Variants in LOXL3 observed in about 807,000 individuals in gnomAD.
LOXL3 encodes the protein lysyl oxidase homolog 3.
LOXL3 carries 60 observed loss-of-function variants against 91.8 expected under a neutral mutation model. The observed-to-expected ratio is 0.65, with a 90% CI of 0.53 to 0.81. The LOEUF (loss-of-function observed/expected upper bound fraction) is 0.81, where lower values mean the gene tolerates loss of function less well. Ranked by LOEUF, LOXL3 falls within the 30% of genes least tolerant of loss-of-function variation. LOXL3 has a pLI of 0.00. For synonymous variants in LOXL3, 355 were observed against 387.6 expected (o/e 0.92, Z 0.99); for missense variants, 874 against 1,000.4 (o/e 0.87, Z 1.70).
rs1558629616 is a variant in LOXL3, at chr2:74,549,660, C to T, written c.478-77G>A. ...GTCCCGCCGCCCTTAAGGAACCCTG[C>T]TTGGTGTGCCTGCTGTAAACCCAGT... On this transcript the variant is annotated intron_variant, in intron 3 of 13. Coordinates refer to ENST00000264094, the MANE Select transcript of LOXL3 (RefSeq NM_032603.5). This position sits in a 1 kb window ranked among gnomAD's most constrained non-coding sequence, Gnocchi z 5.3. 52 of 1,496,310 alleles carry T rather than the reference C, an allele frequency of 3.5e-5. No homozygotes were observed. The South Asian group carries it at 6.5e-4, about 19-fold the overall frequency. 92.7% of individuals were successfully genotyped at this position (1,496,310 alleles called of 1,614,324 possible). A position where few individuals can be genotyped will look rare whatever the true frequency, so the allele number is the denominator to read the frequency against.
At chr2:74,537,088 G>A (rs961574575) in intron 4 of LOXL3, among the ~76,000 whole-genome samples, 160 bp from the exon 5 acceptor site, 1 of 152,208 alleles carries the variant, frequency 6.6e-6, no homozygotes, top group African/African-American at 2.4e-5. Flanking sequence ...GGAGATACAT[G>A]GGGATTGCTG....
rs574365163 is a variant in LOXL3 at position 74,535,671 on chromosome 2, TGAG to T, written c.1330_1332del (p.Leu444del). The T allele has an allele frequency of 6.7e-4, 1,078 of 1,612,898 alleles. 2 individuals carry two copies. Among genetic ancestry groups the T allele is most frequent in the Non-Finnish European group, 9.0e-4 (1,057 of 1,179,736 alleles). On this transcript the variant is annotated inframe_deletion, in exon 8 of 14. Transcript: ENST00000264094. This position sits in a 1 kb window ranked among gnomAD's most constrained non-coding sequence, Gnocchi z 4.2. ...AGGGTCCCCCAGTCATCCCCACAGA[TGAG>T]GCCCCAGCGAAGGGGCCCAGGTCCC...
intron 13 of LOXL3, 53 bp from the exon 14 acceptor site, chr2:74,533,732 A>G (rs2104386107): frequency 7.7e-6 from 12 of 1,556,238 alleles, no homozygotes; most frequent in Non-Finnish European, 1.1e-5. Context: ...GGAGGGAGAT[A>G]GATGCACTGT....
chr2:74,554,847 G>A (rs780034806), upstream of LOXL3: 1 of 1,612,700 alleles, frequency 6.2e-7, no homozygotes, highest in Non-Finnish European at 8.5e-7. The surrounding 1 kb of genome is among the most constrained non-coding windows in gnomAD (Gnocchi z 4.9). Context: ...AACCTTATCC[G>A]GGCTAGTAGT....
intron 4 of LOXL3, among the ~76,000 whole-genome samples, chr2:74,547,960 T>C (rs1676704064): frequency 6.6e-6 from 1 of 152,236 alleles, no homozygotes; most frequent in Non-Finnish European, 1.5e-5. Flanking sequence ...AGATAAGAAA[T>C]ATATAGATAG....
Position 74,533,095 on chromosome 2 carries a change from C to G in LOXL3, c.*511G>C. 1.1e-6 allele frequency: 1 copy of G among 941,096 alleles called. No individual in the cohort carries two copies. The highest frequency in any genetic ancestry group is 1.3e-5 in the South Asian group (1 of 75,088). The allele number at this position is 941,096 out of a possible 1,614,324, so 58.3% of individuals were successfully genotyped here. On this transcript the variant is annotated 3_prime_UTR_variant, in exon 14 of 14. Coordinates refer to ENST00000264094, the MANE Select transcript of LOXL3 (RefSeq NM_032603.5). ...TTAAATGAACCAGTGGGGGCAGGTC[C>G]CTCCAACCACCAGCACTGACTCCTG...
At chr2:74,543,011 T>C (rs1676408812) in intron 4 of LOXL3, among the ~76,000 whole-genome samples, 1 of 138,672 alleles carries the variant, frequency 7.2e-6, no homozygotes. Flanking sequence ...CCAGCAGACA[T>C]TTTTCAGTCT....
chr2:74,540,041 GT>G (rs1558622361), intron 4 of LOXL3, among the ~76,000 whole-genome samples: 1 of 152,192 alleles, frequency 6.6e-6, no homozygotes, highest in Non-Finnish European at 1.5e-5. Context: ...TAGAGATGGG[GT>G]TTCACTATGT....
Position 74,536,878 on chromosome 2 carries a change from C to A in LOXL3, c.743G>T (p.Cys248Phe). ...QHSFGLHGVA[C>F]VGTEAHLSLC... ...GGAGAGGTGGGCCTCCGTGCCCACG[C>A]ACGCCACCCCATGCAGACCAAAGGA... Residue 248 changes from cysteine to phenylalanine, a missense_variant, in exon 5 of 14, where the codon TGC becomes TTC. Cys to Phe is a radical substitution (Grantham distance 205). Transcript: ENST00000264094. This position sits in a 1 kb window ranked among gnomAD's most constrained non-coding sequence, Gnocchi z 4.5. 1 of 1,614,192 alleles carries A rather than the reference C, an allele frequency of 6.2e-7. No homozygotes were observed. The highest frequency in any genetic ancestry group is 8.5e-7 in the Non-Finnish European group (1 of 1,180,032).
At chr2:74,552,834 G>A in intron 1 of LOXL3, 188 bp from the exon 2 acceptor site, 1 of 586,690 alleles carries the variant, frequency 1.7e-6, no homozygotes, top group East Asian at 2.8e-5. Context: ...TAAGGGCTGA[G>A]GCACAGGTCA....
upstream of LOXL3, chr2:74,554,563 G>C (rs1337735486): frequency 1.6e-6 from 1 of 607,982 alleles, no homozygotes; most frequent in African/African-American, 1.9e-5. This position sits in a 1 kb window ranked among gnomAD's most constrained non-coding sequence, Gnocchi z 4.9. Context: ...GGCCTGGGGT[G>C]CTGCAGCTCC....
rs759143975 is a variant in LOXL3, at chr2:74,536,305, G to A, written c.1079C>T (p.Ala360Val). The A allele has an allele frequency of 9.3e-6, 15 of 1,613,592 alleles. No homozygotes were observed. Among genetic ancestry groups the A allele is most frequent in the Non-Finnish European group, 1.3e-5 (15 of 1,179,980 alleles). Residue 360 changes from alanine (A) to valine (V), a missense_variant, in exon 6 of 14, where the codon GCT (alanine) becomes GTT (valine). Physicochemically the swap from Ala to Val is moderately conservative, Grantham distance 64 (BLOSUM62 0). Coordinates refer to ENST00000264094, the MANE Select transcript of LOXL3 (RefSeq NM_032603.5). The surrounding 1 kb of genome is among the most constrained non-coding windows in gnomAD (Gnocchi z 4.5). ...FGSAREALSG[A>V]RMGQGMGAIH... ...TGCCACCTCACCCTGCCCCATGCGA[G>A]CGCCACTCAGAGCTTCTCGAGCACT...
intron 2 of LOXL3, among the ~76,000 whole-genome samples, chr2:74,550,693 CAT>C (rs1463424390): frequency 2.0e-5 from 3 of 152,168 alleles, no homozygotes; most frequent in African/African-American, 7.2e-5. Flanking sequence ...ATGGTGTGCA[CAT>C]ATGTGATCAT....
intron 4 of LOXL3, among the ~76,000 whole-genome samples, chr2:74,548,860 G>T (rs779868722): frequency 3.3e-5 from 5 of 151,732 alleles, no homozygotes; most frequent in Non-Finnish European, 7.4e-5. Context: ...TACGCGCCCC[G>T]CCCCGGGGCG....
chr2:74,554,986 T>A, upstream of LOXL3: 1 of 1,394,326 alleles, frequency 7.2e-7, no homozygotes, highest in Non-Finnish European at 9.9e-7. The surrounding 1 kb of genome is among the most constrained non-coding windows in gnomAD (Gnocchi z 4.9). Flanking sequence ...AGTCTAGGGG[T>A]TCTGGTCCTG....
At position 74,536,212 on chromosome 2, in the gene LOXL3, CACCTA is replaced by C. The variant is rs1435067311; in HGVS notation, c.1094-67_1094-63del. ...AAGCATATATTGTCTGCCCAGGGGA[CACCTA>C]ACCTTCCGAAGGAATATGCCCCCCA... On this transcript the variant is annotated intron_variant, in intron 6 of 13. Coordinates refer to ENST00000264094, the MANE Select transcript of LOXL3 (RefSeq NM_032603.5). This position sits in a 1 kb window ranked among gnomAD's most constrained non-coding sequence, Gnocchi z 4.5. 3 of 1,611,824 alleles carry C rather than the reference CACCTA, an allele frequency of 1.9e-6. No homozygotes were observed. The highest frequency in any genetic ancestry group is 2.5e-6 in the Non-Finnish European group (3 of 1,179,718).
Position 74,533,871 on chromosome 2 carries a change from C to T in LOXL3, c.2188+11G>A. The T allele has an allele frequency of 6.2e-7, 1 of 1,603,456 alleles. No individual in the cohort carries two copies. Among genetic ancestry groups the T allele is most frequent in the East Asian group, 2.2e-5 (1 of 44,812 alleles). ...CCCTAATCTTCCTGGGTTGCTCTTCCCATCAAATACCAATGTGGCAGTTGT... is the reference window on the plus strand; with the variant it reads ...CCCTAATCTTCCTGGGTTGCTCTTCTCATCAAATACCAATGTGGCAGTTGT... On this transcript the variant is annotated intron_variant, in intron 13 of 13. Coordinates refer to ENST00000264094, the MANE Select transcript of LOXL3 (RefSeq NM_032603.5).
chr2:74,535,706 T>G lies in LOXL3; in HGVS notation c.1298A>C (p.Gln433Pro). Residue 433 changes from glutamine to proline, a missense_variant, in exon 8 of 14, where the codon CAA becomes CCA. Gln to Pro is a moderately conservative substitution (Grantham distance 76). Coordinates refer to ENST00000264094, the MANE Select transcript of LOXL3 (RefSeq NM_032603.5). The surrounding 1 kb of genome is among the most constrained non-coding windows in gnomAD (Gnocchi z 4.2). ...GCGAAGGGGCCCAGGTCCCCCTATT[T>G]GCACCTCGACTCGCCCCTCATGTTG... ...RSQHEGRVEVQIGGPGPLRWG... is the reference protein window; with the variant it reads ...RSQHEGRVEVPIGGPGPLRWG... 1.2e-6 allele frequency: 2 copies of G among 1,603,702 alleles called. No individual in the cohort carries two copies. Among genetic ancestry groups the G allele is most frequent in the East Asian group, 4.5e-5 (2 of 44,822 alleles).
rs917352507 is a variant in LOXL3 at position 74,549,215 on chromosome 2, A to C, written c.692+154T>G. On this transcript the variant is annotated intron_variant, in intron 4 of 13. Coordinates refer to ENST00000264094, the MANE Select transcript of LOXL3 (RefSeq NM_032603.5). This position sits in a 1 kb window ranked among gnomAD's most constrained non-coding sequence, Gnocchi z 5.3. ...CTTTCGTGGTCCCACAAGATTTCCCAACTCTCCAGCTTTGCAACGGCCTCC... is the reference window on the plus strand; with the variant it reads ...CTTTCGTGGTCCCACAAGATTTCCCCACTCTCCAGCTTTGCAACGGCCTCC... 66 of 822,572 alleles carry C rather than the reference A, an allele frequency of 8.0e-5. No homozygotes were observed. The highest frequency in any genetic ancestry group is 1.3e-4 in the South Asian group (6 of 45,200). 51.0% of individuals were successfully genotyped at this position (822,572 alleles called of 1,614,324 possible). A position where few individuals can be genotyped will look rare whatever the true frequency, so the allele number is the denominator to read the frequency against.
Sources: gnomAD v4.1 joint callset for allele counts (sites outside exome capture counted in the v4.1 genomes callset) on GRCh38, gnomAD v4.1.1 for gene constraint, Gnocchi (gnomAD v3.1) non-coding constraint, MANE v1.5 for transcripts, NCBI Gene and HGNC (gene_info 2026-07-23, HGNC 2026-07-21) for gene names.